Variants in TNR observed in about 807,000 individuals in gnomAD.
TNR encodes tenascin R.
A neutral mutation model predicts 150.4 loss-of-function variants in TNR; 45 were observed. That is an observed-to-expected ratio of 0.30 (90% CI 0.24 to 0.38). The LOEUF (loss-of-function observed/expected upper bound fraction) is 0.38, where lower values mean the gene tolerates loss of function less well. Among genes scored for constraint, TNR ranks in the 10% least tolerant of loss-of-function variants. The pLI is 1.00. For synonymous variants in TNR, 687 were observed against 678.4 expected, an observed-to-expected ratio of 1.01 and a Z score of -0.20; for missense variants, 1,544 against 1,759.1, an observed-to-expected ratio of 0.88 and a Z score of 2.19.
rs547160291 is a variant in TNR at position 175,577,909 on chromosome 1, C to G, written c.-164-49540G>C. On this transcript the variant is annotated intron_variant, in intron 1 of 22. Transcript: ENST00000367674. ...ATGCAGATAACTAAGAGTGGGTTGT[C>G]AATATCCTACATATTAACTGTGTGA... Among the ~76,000 whole-genome samples, 121 of 152,282 alleles carry G rather than the reference C, an allele frequency of 7.9e-4. 1 individual carries two copies. The highest frequency in any genetic ancestry group is 2.5e-3 in the East Asian group (13 of 5,182).
rs1648855142 is a variant in TNR, at chr1:175,316,702, G to T, written c.*6655C>A. 1.3e-5 allele frequency: 2 copies of T among 152,048 alleles called. No individual in the cohort carries two copies. Among genetic ancestry groups the T allele is most frequent in the African/African-American group, 4.8e-5 (2 of 41,400 alleles). The allele number at this position is 152,048 out of a possible 1,614,324, so 9.4% of individuals were successfully genotyped here. A position where few individuals can be genotyped will look rare whatever the true frequency, so the allele number is the denominator to read the frequency against. ...AAAAGAGTGGGGTGGGGGGTATTGG[G>T]TTTATGTTCTGGTTCTTATCTTCCC... On this transcript the variant is annotated 3_prime_UTR_variant, in exon 23 of 23. Transcript: ENST00000367674.
intron 1 of TNR, among the ~76,000 whole-genome samples, chr1:175,552,568 C>CTGG (rs1455455655): frequency 6.6e-6 from 1 of 152,172 alleles, no homozygotes; most frequent in Admixed American, 6.5e-5. Context: ...GTCACACAGC[C>CTGG]TGGACTCCAA....
intron 21 of TNR, among the ~76,000 whole-genome samples, chr1:175,327,618 C>T (rs1157657194): frequency 6.6e-6 from 1 of 152,230 alleles, no homozygotes; most frequent in Admixed American, 6.5e-5. Context: ...CCTCACCAAT[C>T]TTCTCTATTC....
chr1:175,618,828 G>A (rs1663864184), intron 1 of TNR, among the ~76,000 whole-genome samples: 1 of 152,198 alleles, frequency 6.6e-6, no homozygotes, highest in Admixed American at 6.5e-5. Context: ...TCTACTTTAG[G>A]CAATGCCATT....
chr1:175,722,619 C>T (rs978744048), intron 1 of TNR, among the ~76,000 whole-genome samples: 7 of 151,816 alleles, frequency 4.6e-5, no homozygotes, highest in Non-Finnish European at 8.8e-5. Context: ...TGCACACCAC[C>T]ATGCCCAGCT....
intron 1 of TNR, among the ~76,000 whole-genome samples, chr1:175,662,206 T>C (rs1665398672): frequency 6.6e-6 from 1 of 152,162 alleles, no homozygotes; most frequent in Non-Finnish European, 1.5e-5. Flanking sequence ...GACATGGTGG[T>C]TCATAAAAGC....
At chr1:175,672,916 G>A (rs1245585726) in intron 1 of TNR, among the ~76,000 whole-genome samples, 3 of 152,056 alleles carry the variant, frequency 2.0e-5, no homozygotes, top group Admixed American at 6.5e-5. Context: ...CTTATTCCAA[G>A]TCTGCATGTC....
At chr1:175,610,369 C>T (rs563858168) in intron 1 of TNR, among the ~76,000 whole-genome samples, 9 of 152,242 alleles carry the variant, frequency 5.9e-5, no homozygotes, top group Admixed American at 2.0e-4. Flanking sequence ...GACTCAGACT[C>T]TCCAAATTCC....
intron 2 of TNR, among the ~76,000 whole-genome samples, chr1:175,513,498 G>C (rs1274422504): frequency 6.6e-6 from 1 of 152,190 alleles, no homozygotes; most frequent in Non-Finnish European, 1.5e-5. Context: ...CCTGCCTGCA[G>C]GGGGCTGCAG....
At chr1:175,326,522 T>C (rs2101980466) in intron 21 of TNR, among the ~76,000 whole-genome samples, 1 of 152,312 alleles carries the variant, frequency 6.6e-6, no homozygotes. Context: ...CATTCCGTCT[T>C]CTTCGTCTTC....
At position 175,363,662 on chromosome 1, in the gene TNR, T is replaced by C. The variant is rs200910088; in HGVS notation, c.2707+46A>G. 19 of 1,597,246 alleles carry C rather than the reference T, an allele frequency of 1.2e-5. No homozygotes were observed. In the East Asian group the frequency reaches 4.1e-4, roughly 34 times the overall value. ...GGGATATGCTAGTTCTCCCATAATC[T>C]TCACCCAAATCCTAGTATCTTTGAG... On this transcript the variant is annotated intron_variant, in intron 13 of 22. Coordinates refer to ENST00000367674, the MANE Select transcript of TNR (RefSeq NM_003285.3).
At chr1:175,658,992 C>G (rs1241564848) in intron 1 of TNR, among the ~76,000 whole-genome samples, 2 of 152,202 alleles carry the variant, frequency 1.3e-5, no homozygotes, top group African/African-American at 4.8e-5. Context: ...TCAAACTAAG[C>G]ACTTTCCAGG....
At chr1:175,402,030 G>A (rs769846602) in intron 4 of TNR, among the ~76,000 whole-genome samples, 2 of 152,066 alleles carry the variant, frequency 1.3e-5, no homozygotes, top group Non-Finnish European at 2.9e-5. Flanking sequence ...GAATCAGGCC[G>A]GGCGCGGTGG....
chr1:175,534,183 C>T (rs545810863), intron 1 of TNR, among the ~76,000 whole-genome samples: 6 of 152,290 alleles, frequency 3.9e-5, no homozygotes, highest in Admixed American at 2.6e-4. Flanking sequence ...GCTGGCCATG[C>T]CTGGAGGACT....
At chr1:175,536,255 A>C (rs888446797) in intron 1 of TNR, among the ~76,000 whole-genome samples, 1 of 152,034 alleles carries the variant, frequency 6.6e-6, no homozygotes, top group Non-Finnish European at 1.5e-5. Flanking sequence ...GGCTGGTTGA[A>C]TTTTTTCAAC....
intron 1 of TNR, among the ~76,000 whole-genome samples, chr1:175,553,080 A>G (rs140119676): frequency 1.3e-5 from 2 of 152,280 alleles, no homozygotes; most frequent in East Asian, 3.9e-4. Context: ...CTGGCACATG[A>G]AATACATCAC....
chr1:175,443,484 C>T (rs1655887069), intron 2 of TNR, among the ~76,000 whole-genome samples: 1 of 152,190 alleles, frequency 6.6e-6, no homozygotes, highest in Non-Finnish European at 1.5e-5. Context: ...AGTGTTTACT[C>T]ATCATCTTCT....
At chr1:175,503,937 A>G (rs989000640) in intron 2 of TNR, among the ~76,000 whole-genome samples, 6 of 152,096 alleles carry the variant, frequency 3.9e-5, no homozygotes, top group African/African-American at 1.4e-4. Context: ...TCTGGGTGGG[A>G]TGTTGGGTTT....
chr1:175,504,345 T>G (rs192300699), intron 2 of TNR, among the ~76,000 whole-genome samples: 3 of 152,218 alleles, frequency 2.0e-5, no homozygotes, highest in Admixed American at 1.3e-4. Context: ...TGTATAGATG[T>G]GGACACTGAG....
Sources: gnomAD v4.1 joint callset for allele counts (sites outside exome capture counted in the v4.1 genomes callset) on GRCh38, gnomAD v4.1.1 for gene constraint, MANE v1.5 for transcripts, NCBI Gene and HGNC (gene_info 2026-07-23, HGNC 2026-07-21) for gene names.